STPG2: variants seen among roughly 807,000 people sequenced by gnomAD.
The protein encoded by STPG2 is sperm tail PG-rich repeat containing 2.
In STPG2, 56 loss-of-function variants were observed where a neutral mutation model predicts 54.2. That is an observed-to-expected ratio of 1.03 (90% CI 0.83 to 1.29). STPG2 has a LOEUF of 1.29. STPG2 is among the 50% of genes most tolerant of loss of function. The pLI, the probability that STPG2 is intolerant of heterozygous loss-of-function variation, is 0.00. For missense variants in STPG2, 596 were observed against 544.9 expected, an observed-to-expected ratio of 1.09 and a Z score of -0.93; for synonymous variants, 200 against 181.8, an observed-to-expected ratio of 1.10 and a Z score of -0.81.
At chr4:97,901,349 A>G (rs1267994362) in intron 8 of STPG2, among the ~76,000 whole-genome samples, 1 of 151,870 alleles carries the variant, frequency 6.6e-6, no homozygotes, top group African/African-American at 2.4e-5. Flanking sequence ...TTGGGCAAGA[A>G]AAAAAATAAT....
chr4:97,875,324 A>G (rs1730138187), intron 8 of STPG2, among the ~76,000 whole-genome samples: 2 of 151,828 alleles, frequency 1.3e-5, no homozygotes. Flanking sequence ...ATACTTACGT[A>G]TATTGCAACT....
rs57563048 is a variant in STPG2, at chr4:97,456,891, C to CAAAAAAAAAAAAAA, written c.462+255794_462+255807dup. 9.6e-3 allele frequency among the ~76,000 whole-genome samples: 467 copies of CAAAAAAAAAAAAAA among 48,652 alleles called. 30 individuals carry two copies. The highest frequency in any genetic ancestry group is 0.026 in the African/African-American group (226 of 8,646). 31.9% of individuals were successfully genotyped at this position (48,652 alleles called of 152,430 possible). A position where few individuals can be genotyped will look rare whatever the true frequency, so the allele number is the denominator to read the frequency against. ...GCCTGGGTAACAGAGTGCTCCGTCTCAAAAAAAAAAAAAAGAAAATTAAAA... is the reference window on the plus strand; with the variant it reads ...GCCTGGGTAACAGAGTGCTCCGTCTCAAAAAAAAAAAAAAAAAAAAAAAAAAAAGAAAATTAAAA... On this transcript the variant is annotated intron_variant, in intron 4 of 4. Transcript: ENST00000522676.
chr4:97,724,610 G>A (rs1724559977), intron 9 of STPG2, among the ~76,000 whole-genome samples: 1 of 151,916 alleles, frequency 6.6e-6, no homozygotes, highest in African/African-American at 2.4e-5. Context: ...AGTAGTTTCT[G>A]GATATTTTTT....
chr4:97,760,096 A>G (rs565963557), intron 9 of STPG2, among the ~76,000 whole-genome samples: 12 of 152,286 alleles, frequency 7.9e-5, no homozygotes, highest in South Asian at 4.1e-4. Flanking sequence ...CAAACAGGAA[A>G]TTCTTTCATG....
At chr4:98,114,855 T>C (rs1260286071) in intron 3 of STPG2, among the ~76,000 whole-genome samples, 1 of 151,794 alleles carries the variant, frequency 6.6e-6, no homozygotes. Context: ...CATTAACCTC[T>C]GCGGTACTCA....
chr4:97,620,968 A>G (rs938032850), intron 10 of STPG2, among the ~76,000 whole-genome samples: 1 of 152,192 alleles, frequency 6.6e-6, no homozygotes, highest in Non-Finnish European at 1.5e-5. Context: ...AATGGAAATC[A>G]ATAGTAAGAA....
intron 4 of STPG2, among the ~76,000 whole-genome samples, chr4:97,532,008 C>CA (rs1342233193): frequency 1.3e-5 from 2 of 151,602 alleles, no homozygotes; most frequent in Non-Finnish European, 2.9e-5. Context: ...TATGTACCCA[C>CA]AAAAAAATAC....
At chr4:97,880,799 T>C (rs1251911521) in intron 8 of STPG2, among the ~76,000 whole-genome samples, 3 of 152,068 alleles carry the variant, frequency 2.0e-5, no homozygotes, top group Non-Finnish European at 4.4e-5. Flanking sequence ...AGAGCAGGAT[T>C]GAATATATCA....
At chr4:98,133,961 CA>C (rs1490950293) in intron 2 of STPG2, among the ~76,000 whole-genome samples, 1 of 151,952 alleles carries the variant, frequency 6.6e-6, no homozygotes, top group Non-Finnish European at 1.5e-5. Context: ...ACAGATGAGA[CA>C]ATGGCAATGG....
At chr4:97,998,085 A>G (rs945959789) in intron 5 of STPG2, among the ~76,000 whole-genome samples, 3 of 152,212 alleles carry the variant, frequency 2.0e-5, no homozygotes, top group African/African-American at 7.2e-5. Context: ...ATGATAAAAT[A>G]ATAATTAGAA....
At chr4:97,737,326 A>G (rs900115759) in intron 9 of STPG2, among the ~76,000 whole-genome samples, 29 of 152,370 alleles carry the variant, frequency 1.9e-4, no homozygotes, top group Non-Finnish European at 4.3e-4. Context: ...AAAGGAACAC[A>G]GTTCCTCACC....
chr4:98,091,161 A>G (rs1032844619), intron 5 of STPG2, among the ~76,000 whole-genome samples: 2 of 152,016 alleles, frequency 1.3e-5, no homozygotes, highest in Non-Finnish European at 2.9e-5. Context: ...AAGTATTTGT[A>G]CTTTCCCCTC....
chr4:97,923,172 G>T (rs1732176241), intron 8 of STPG2, among the ~76,000 whole-genome samples: 1 of 152,246 alleles, frequency 6.6e-6, no homozygotes, highest in Non-Finnish European at 1.5e-5. Context: ...GAGCCCTTCA[G>T]CCTGCCGCTG....
At chr4:97,658,423 T>C (rs963913524) in intron 10 of STPG2, among the ~76,000 whole-genome samples, 1 of 152,224 alleles carries the variant, frequency 6.6e-6, no homozygotes, top group Non-Finnish European at 1.5e-5. Flanking sequence ...CGTCATACTT[T>C]GGTAAAGAGA....
At chr4:97,569,892 A>T (rs975671877) in intron 10 of STPG2, among the ~76,000 whole-genome samples, 1 of 152,166 alleles carries the variant, frequency 6.6e-6, no homozygotes, top group Admixed American at 6.5e-5. Context: ...TAACCAAATG[A>T]TGAAAATTAA....
At chr4:97,574,738 T>C (rs1732681980) in intron 10 of STPG2, among the ~76,000 whole-genome samples, 1 of 152,102 alleles carries the variant, frequency 6.6e-6, no homozygotes, top group Non-Finnish European at 1.5e-5. Context: ...CAGAAAGACC[T>C]TTCTGCTTCT....
At chr4:97,509,075 C>T (rs1269488927) in intron 4 of STPG2, among the ~76,000 whole-genome samples, 1 of 152,100 alleles carries the variant, frequency 6.6e-6, no homozygotes, top group Non-Finnish European at 1.5e-5. Flanking sequence ...TAAATTCCTG[C>T]TCTACAGCAT....
At chr4:97,447,470 A>G (rs1238317063) in intron 4 of STPG2, among the ~76,000 whole-genome samples, 1 of 152,156 alleles carries the variant, frequency 6.6e-6, no homozygotes, top group Non-Finnish European at 1.5e-5. Flanking sequence ...GAGGCCTAGG[A>G]GGGAAAAATG....
At chr4:97,706,344 G>T (rs1406110923) in intron 10 of STPG2, among the ~76,000 whole-genome samples, 1 of 152,144 alleles carries the variant, frequency 6.6e-6, no homozygotes, top group African/African-American at 2.4e-5. Context: ...TAGTGTGATA[G>T]TATTAGAAAG....
Sources: allele counts gnomAD v4.1 joint callset (sites outside exome capture counted in the v4.1 genomes callset), GRCh38; gene constraint gnomAD v4.1.1; transcripts MANE v1.5; gene names NCBI Gene and HGNC (gene_info 2026-07-23, HGNC 2026-07-21).